The following BAIAP2L2 variants were observed in gnomAD, a reference collection of about 807,000 sequenced individuals.
BAIAP2L2 encodes BAR/IMD domain-containing adapter protein 2-like 2.
BAIAP2L2 carries 65 observed loss-of-function variants against 60.4 expected under a neutral mutation model. That is an observed-to-expected ratio of 1.08 (90% CI 0.88 to 1.32). BAIAP2L2 has a LOEUF of 1.32. Ranked by LOEUF, BAIAP2L2 falls within the 40% of genes most tolerant of loss-of-function variation. The pLI is 0.00. For synonymous variants in BAIAP2L2, 344 were observed against 301.7 expected, an observed-to-expected ratio of 1.14 and a Z score of -1.45; for missense variants, 836 against 741.2, an observed-to-expected ratio of 1.13 and a Z score of -1.48.
intron 10 of BAIAP2L2, among the ~76,000 whole-genome samples, chr22:38,088,168 C>T (rs1027737991): frequency 9.8e-5 from 15 of 152,342 alleles, no homozygotes; most frequent in South Asian, 2.1e-4. Flanking sequence ...CCATCTGCCC[C>T]GTTTTCCCCT....
intron 3 of BAIAP2L2, 51 bp downstream of exon 3, chr22:38,108,204 G>A (rs780804971): frequency 2.0e-6 from 3 of 1,530,172 alleles, no homozygotes; most frequent in African/African-American, 2.7e-5. Flanking sequence ...AAGGGCAAGG[G>A]TGCAAAAGGA....
intron 4 of BAIAP2L2, among the ~76,000 whole-genome samples, chr22:38,100,825 T>C (rs983452669): frequency 6.6e-6 from 1 of 152,212 alleles, no homozygotes; most frequent in Non-Finnish European, 1.5e-5. Flanking sequence ...CATGAATTAA[T>C]CTTACAGACC....
At position 38,089,202 on chromosome 22, in the gene BAIAP2L2, G is replaced by T; in HGVS notation, c.795C>A (p.Ser265=). 1.6e-6 allele frequency: 2 copies of T among 1,254,166 alleles called. No homozygotes were observed. The highest frequency in any genetic ancestry group is 1.0e-6 in the Non-Finnish European group (1 of 998,828). The allele number at this position is 1,254,166 out of a possible 1,614,324, so 77.7% of individuals were successfully genotyped here. A position where few individuals can be genotyped will look rare whatever the true frequency, so the allele number is the denominator to read the frequency against. Residue 265 remains serine (S), a synonymous_variant, in exon 9 of 14, where the codon TCC becomes TCA. Coordinates refer to ENST00000381669, the MANE Select transcript of BAIAP2L2 (RefSeq NM_025045.6). ...AGCCGGAGCCGTGCCGGCTGCGGGGGGAGCTGAACTCTCCCAGGGGCCTCG... is the reference window on the plus strand; with the variant it reads ...AGCCGGAGCCGTGCCGGCTGCGGGGTGAGCTGAACTCTCCCAGGGGCCTCG... ...MPPRPLGEFS[S]PRSRHGSGSY...
chr22:38,085,429 C>T (rs2086030113), intron 13 of BAIAP2L2, 54 bp from the exon 14 acceptor site: 1 of 1,573,128 alleles, frequency 6.4e-7, no homozygotes, highest in Admixed American at 1.7e-5. Context: ...CCCACCTGGC[C>T]ATGGCTCAGG....
intron 6 of BAIAP2L2, among the ~76,000 whole-genome samples, chr22:38,097,703 G>A (rs994653635): frequency 1.3e-5 from 2 of 152,136 alleles, no homozygotes; most frequent in Non-Finnish European, 2.9e-5. Flanking sequence ...CTGCCAGGCA[G>A]GAGAGAGGGG....
At chr22:38,091,993 G>A (rs562009767) in intron 7 of BAIAP2L2, among the ~76,000 whole-genome samples, 2 of 152,178 alleles carry the variant, frequency 1.3e-5, no homozygotes, top group African/African-American at 2.4e-5. Flanking sequence ...CTCATACACT[G>A]TTGTCAAGGG....
rs2086825237 is a variant in BAIAP2L2, at chr22:38,110,607, A to C, written c.-82T>G. The C allele has an allele frequency of 8.3e-6, 10 of 1,208,128 alleles. No homozygotes were observed. In the Admixed American group the frequency reaches 9.2e-5, roughly 11 times the overall value. 74.8% of individuals were successfully genotyped at this position (1,208,128 alleles called of 1,614,324 possible). A position where few individuals can be genotyped will look rare whatever the true frequency, so the allele number is the denominator to read the frequency against. ...CGGGAGCAGTGGTAGGTAGTCCCTC[A>C]GGTGCCCACGACTCAGCTGGCAGCG... On this transcript the variant is annotated 5_prime_UTR_variant, in exon 1 of 14. Transcript: ENST00000381669.
At chr22:38,108,924 C>A (rs1310052035) in intron 2 of BAIAP2L2, among the ~76,000 whole-genome samples, 1 of 151,606 alleles carries the variant, frequency 6.6e-6, no homozygotes, top group Admixed American at 6.6e-5. Context: ...ATGAGGGGTG[C>A]TGGGTGTGGA....
intron 6 of BAIAP2L2, among the ~76,000 whole-genome samples, 184 bp from the exon 7 acceptor site, chr22:38,097,362 G>T (rs1244365446): frequency 6.6e-6 from 1 of 152,154 alleles, no homozygotes; most frequent in African/African-American, 2.4e-5. Flanking sequence ...CTTGTTATGA[G>T]TCTGGGCCCT....
chr22:38,108,216 G>T, intron 3 of BAIAP2L2, 39 bp downstream of exon 3: 1 of 1,575,106 alleles, frequency 6.3e-7, no homozygotes, highest in East Asian at 2.2e-5. Context: ...GCAAAAGGAG[G>T]GCCCAAGAAT....
rs369660454 is a variant in BAIAP2L2, at chr22:38,106,725, G to A, written c.276+1127C>T. On this transcript the variant is annotated intron_variant, in intron 4 of 13. Transcript: ENST00000381669. ...CCCACCTCTCCCACTCAGCCCCTGC[G>A]CCCAAGCCCTGGCTCATGCCTGCCT... 2.6e-5 allele frequency among the ~76,000 whole-genome samples: 4 copies of A among 152,150 alleles called. No individual in the cohort carries two copies. In the East Asian group the frequency reaches 7.7e-4, roughly 29 times the overall value.
rs763002878 is a variant in BAIAP2L2, at chr22:38,089,187, G to A, written c.810C>T (p.His270=). Residue 270 remains histidine, a synonymous_variant, in exon 9 of 14, where the codon CAC becomes CAT. Coordinates refer to ENST00000381669, the MANE Select transcript of BAIAP2L2 (RefSeq NM_025045.6). ...LGEFSSPRSR[H]GSGSYGTEPD... Reference sequence around the variant, plus strand: ...GCTCGGTGCCGTAGGAGCCGGAGCCGTGCCGGCTGCGGGGGGAGCTGAACT... The same window carrying A: ...GCTCGGTGCCGTAGGAGCCGGAGCCATGCCGGCTGCGGGGGGAGCTGAACT... 3.8e-6 allele frequency: 5 copies of A among 1,300,468 alleles called. No homozygotes were observed. The highest frequency in any genetic ancestry group is 1.5e-5 in the African/African-American group (1 of 64,610). 80.6% of individuals were successfully genotyped at this position (1,300,468 alleles called of 1,614,324 possible). A position where few individuals can be genotyped will look rare whatever the true frequency, so the allele number is the denominator to read the frequency against.
Position 38,085,182 on chromosome 22 carries a change from A to AC in BAIAP2L2, c.*117dup, listed in dbSNP as rs968275950. 99 of 1,127,342 alleles carry AC rather than the reference A, an allele frequency of 8.8e-5. No individual in the cohort carries two copies. Among genetic ancestry groups the AC allele is most frequent in the Middle Eastern group, 2.7e-4 (1 of 3,638 alleles). The allele number at this position is 1,127,342 out of a possible 1,614,324, so 69.8% of individuals were successfully genotyped here. On this transcript the variant is annotated 3_prime_UTR_variant, in exon 14 of 14. Coordinates refer to ENST00000381669, the MANE Select transcript of BAIAP2L2 (RefSeq NM_025045.6). ...CCGGGGTGGTCTGGGGAGGGCAGCC[A>AC]CCCCCCGTCTCAGGGACCCGCTTCT...
rs768309957 is a variant in BAIAP2L2 at position 38,107,873 on chromosome 22, C to T, written c.255G>A (p.Leu85=). The T allele has an allele frequency of 2.5e-6, 4 of 1,613,550 alleles. 1 individual carries two copies. In the South Asian group the frequency reaches 4.4e-5, roughly 18 times the overall value. The stretch of plus-strand genomic sequence containing the variant: ...TCACCACCACCTCCAGGTCAGAGTT[C>T]AAGTGCCGCTGGGTGTCAGACATCT... ...LVQMSDTQRH[L]NSDLEVVVQT... The change falls in exon 4 of 14, where the codon TTG becomes TTA. Residue 85 remains leucine, a synonymous_variant. Coordinates refer to ENST00000381669, the MANE Select transcript of BAIAP2L2 (RefSeq NM_025045.6).
At chr22:38,105,349 T>TG (rs2086644538) in intron 4 of BAIAP2L2, among the ~76,000 whole-genome samples, 4 of 149,678 alleles carry the variant, frequency 2.7e-5, no homozygotes, top group Non-Finnish European at 5.9e-5. Flanking sequence ...CTTTTTTTTT[T>TG]TTTTTTTTTT....
At position 38,085,164 on chromosome 22, in the gene BAIAP2L2, G is replaced by C. The variant is rs556910394; in HGVS notation, c.*136C>G. ...TTGGAGCTGCTCAGGCTGCCGGGGT[G>C]GTCTGGGGAGGGCAGCCACCCCCCG... On this transcript the variant is annotated 3_prime_UTR_variant, in exon 14 of 14. Coordinates refer to ENST00000381669, the MANE Select transcript of BAIAP2L2 (RefSeq NM_025045.6). 193 of 859,578 alleles carry C rather than the reference G, an allele frequency of 2.2e-4. No homozygotes were observed. The highest frequency in any genetic ancestry group is 3.4e-4 in the Non-Finnish European group (184 of 548,544). 53.2% of individuals were successfully genotyped at this position (859,578 alleles called of 1,614,324 possible). A position where few individuals can be genotyped will look rare whatever the true frequency, so the allele number is the denominator to read the frequency against.
At chr22:38,089,049 C>T (rs1420867329) in intron 9 of BAIAP2L2, 47 bp downstream of exon 9, 2 of 1,395,938 alleles carry the variant, frequency 1.4e-6, no homozygotes, top group Non-Finnish European at 9.3e-7. Flanking sequence ...AGCCCCACCC[C>T]CGCGCCTCTC....
rs1602002089 is a variant in BAIAP2L2 at position 38,090,802 on chromosome 22, G to A, written c.613-1128C>T. On this transcript the variant is annotated intron_variant, in intron 7 of 13. Coordinates refer to ENST00000381669, the MANE Select transcript of BAIAP2L2 (RefSeq NM_025045.6). Reference sequence around the variant, plus strand: ...GTCTGTCCTTGAAGATGCCCCCTACGACTACACTTTCAATGATTTCTGCCT... The same window carrying A: ...GTCTGTCCTTGAAGATGCCCCCTACAACTACACTTTCAATGATTTCTGCCT... The A allele has an allele frequency of 1.3e-5, 2 of 152,070 alleles. 1 individual carries two copies. The highest frequency in any genetic ancestry group is 6.8e-3 in the Middle Eastern group (2 of 294). 9.4% of individuals were successfully genotyped at this position (152,070 alleles called of 1,614,324 possible).
intron 4 of BAIAP2L2, among the ~76,000 whole-genome samples, chr22:38,106,185 C>A (rs2086661213): frequency 6.6e-6 from 1 of 152,126 alleles, no homozygotes; most frequent in African/African-American, 2.4e-5. Context: ...GGCCTTGGGG[C>A]CTTGTTGTGT....
Sources: allele counts gnomAD v4.1 joint callset (sites outside exome capture counted in the v4.1 genomes callset), GRCh38; gene constraint gnomAD v4.1.1; transcripts MANE v1.5; gene names NCBI Gene and HGNC (gene_info 2026-07-23, HGNC 2026-07-21).